The following KRTAP10-7 variants were observed in gnomAD, a reference collection of about 807,000 sequenced individuals.
KRTAP10-7 encodes keratin-associated protein 10-7.
For missense variants in KRTAP10-7, 394 were observed against 474.3 expected, an observed-to-expected ratio of 0.83 and a Z score of 1.57; for synonymous variants, 162 against 199.6, an observed-to-expected ratio of 0.81 and a Z score of 1.59.
In KRTAP10-7 at chr21:44,601,475, C is replaced by G. The variant is rs446817; in HGVS notation, c.854C>G (p.Thr285Ser). ...CCVPVCSGAS[T>S]SCCQQSSCQP... is the part of the protein sequence containing the mutation. ...GTGCCCGTCTGCTCTGGGGCTTCCA[C>G]TTCATGCTGCCAGCAGTCTAGCTGC... Residue 285 changes from threonine (T) to serine (S), a missense_variant, in exon 1 of 1, where the codon ACT becomes AGT. Thr to Ser is a moderately conservative substitution (Grantham distance 58). Coordinates refer to ENST00000609664, the MANE Select transcript of KRTAP10-7 (RefSeq NM_198689.3). 138,802 of 1,613,562 alleles carry G rather than the reference C, an allele frequency of 0.086. 11,271 individuals carry two copies. Among genetic ancestry groups the G allele is most frequent in the African/African-American group, 0.41 (30,312 of 74,680 alleles).
rs1262268939 is a variant in KRTAP10-7 at position 44,601,406 on chromosome 21, A to G, written c.785A>G (p.Gln262Arg). ...QPACCTSSQSQQGCCVPVCCK... is the reference protein window; with the variant it reads ...QPACCTSSQSRQGCCVPVCCK... ...GCTTGCTGCACCTCCTCCCAAAGCC[A>G]GCAGGGCTGCTGCGTGCCCGTCTGC... Residue 262 changes from glutamine to arginine, a missense_variant, in exon 1 of 1, where the codon CAG (glutamine) becomes CGG (arginine). Transcript: ENST00000609664. 6.2e-7 allele frequency: 1 copy of G among 1,611,146 alleles called. No homozygotes were observed. Among genetic ancestry groups the G allele is most frequent in the Non-Finnish European group, 8.5e-7 (1 of 1,178,978 alleles).
rs1555928795 is a variant in KRTAP10-7 at position 44,601,550 on chromosome 21, C to G, written c.929C>G (p.Ser310Cys). Residue 310 changes from serine (S) to cysteine (C), a missense_variant, in exon 1 of 1, where the codon TCC becomes TGC. Transcript: ENST00000609664. ...TSCCRPSSSV[S>C]LLCRPVCRPA... ...TGCTGCAGACCCTCCTCCTCCGTGTCCCTCCTCTGCCGCCCCGTGTGCAGG... is the reference window on the plus strand; with the variant it reads ...TGCTGCAGACCCTCCTCCTCCGTGTGCCTCCTCTGCCGCCCCGTGTGCAGG... The G allele has an allele frequency of 1.9e-6, 3 of 1,613,940 alleles. 1 individual carries two copies. In the South Asian group the frequency reaches 3.3e-5, roughly 18 times the overall value.
rs79571149 is a variant in KRTAP10-7, at chr21:44,601,831, C to T, written c.*97C>T. On this transcript the variant is annotated 3_prime_UTR_variant, in exon 1 of 1. Coordinates refer to ENST00000609664, the MANE Select transcript of KRTAP10-7 (RefSeq NM_198689.3). ...CGGCTCTCCACATCCCGCTCCTAAG[C>T]CCTGCAGTGGACGTCAGTGGTCAGC... 0.019 allele frequency: 28,521 copies of T among 1,491,322 alleles called. 348 individuals carry two copies. The highest frequency in any genetic ancestry group is 0.021 in the Non-Finnish European group (22,784 of 1,110,436). The allele number at this position is 1,491,322 out of a possible 1,614,324, so 92.4% of individuals were successfully genotyped here.
rs1980891706 is a variant in KRTAP10-7, at chr21:44,601,437, G to A, written c.816G>A (p.Lys272=). ...QQGCCVPVCC[K]PVCCVPVCSG... Reference sequence around the variant, plus strand: ...GCTGCTGCGTGCCCGTCTGCTGTAAGCCTGTGTGCTGTGTGCCCGTCTGCT... The same window carrying A: ...GCTGCTGCGTGCCCGTCTGCTGTAAACCTGTGTGCTGTGTGCCCGTCTGCT... The change falls in exon 1 of 1, where the codon AAG becomes AAA. Residue 272 remains lysine (K), a synonymous_variant. Coordinates refer to ENST00000609664, the MANE Select transcript of KRTAP10-7 (RefSeq NM_198689.3). 6.2e-7 allele frequency: 1 copy of A among 1,611,224 alleles called. No homozygotes were observed. The highest frequency in any genetic ancestry group is 1.3e-5 in the African/African-American group (1 of 74,368).
chr21:44,600,894 G>T lies in KRTAP10-7; in HGVS notation c.273G>T (p.Gln91His). 1 of 1,612,022 alleles carries T rather than the reference G, an allele frequency of 6.2e-7. No homozygotes were observed. Among genetic ancestry groups the T allele is most frequent in the Non-Finnish European group, 8.5e-7 (1 of 1,179,878 alleles). ...CTSSCTPSCC[Q>H]QSSCQLACCA... ...GCTCCTGCACGCCCTCGTGCTGCCA[G>T]CAGTCTAGCTGCCAGCTGGCTTGCT... is the stretch of plus-strand genomic sequence containing the variant. Residue 91 changes from glutamine (Q) to histidine (H), a missense_variant, in exon 1 of 1, where the codon CAG becomes CAT. Physicochemically the swap from Gln to His is conservative, Grantham distance 24. Transcript: ENST00000609664.
In KRTAP10-7 at chr21:44,601,688, G is replaced by A. The variant is rs782026949; in HGVS notation, c.1067G>A (p.Arg356His). The A allele has an allele frequency of 1.1e-5, 18 of 1,611,956 alleles. No individual in the cohort carries two copies. Among genetic ancestry groups the A allele is most frequent in the South Asian group, 4.4e-5 (4 of 90,840 alleles). ...VSLLCRPACSRPACCGPTSTQ... is the reference protein window; with the variant it reads ...VSLLCRPACSHPACCGPTSTQ... Reference sequence around the variant, plus strand: ...CTCCTTTGCCGCCCCGCATGCTCCCGCCCGGCCTGCTGTGGCCCCACCTCA... The same window carrying A: ...CTCCTTTGCCGCCCCGCATGCTCCCACCCGGCCTGCTGTGGCCCCACCTCA... Residue 356 changes from arginine (R) to histidine (H), a missense_variant, in exon 1 of 1, where the codon CGC (arginine) becomes CAC (histidine). Transcript: ENST00000609664.
chr21:44,601,260 C>A lies in KRTAP10-7; in HGVS notation c.639C>A (p.Ser213Arg). ...SCTPSCCQQS[S>R]CKPACCTSSP... is the part of the protein sequence containing the mutation. ...CGCCCTCGTGCTGCCAGCAGTCTAG[C>A]TGCAAGCCGGCTTGCTGCACCTCCT... The change falls in exon 1 of 1, where the codon AGC becomes AGA. Residue 213 changes from serine to arginine, a missense_variant. Transcript: ENST00000609664. 6.2e-7 allele frequency: 1 copy of A among 1,608,130 alleles called. No individual in the cohort carries two copies. The highest frequency in any genetic ancestry group is 8.5e-7 in the Non-Finnish European group (1 of 1,178,518).
chr21:44,601,895 C>G lies in KRTAP10-7; in HGVS notation c.*161C>G. Reference sequence around the variant, plus strand: ...TGCGCTTCTCCTCCTAGAAGCAGCTCAGCTGTTTCTCCAAGTCTTGACTTT... The same window carrying G: ...TGCGCTTCTCCTCCTAGAAGCAGCTGAGCTGTTTCTCCAAGTCTTGACTTT... On this transcript the variant is annotated 3_prime_UTR_variant, in exon 1 of 1. Coordinates refer to ENST00000609664, the MANE Select transcript of KRTAP10-7 (RefSeq NM_198689.3). The G allele has an allele frequency of 5.9e-6, 6 of 1,021,830 alleles. No homozygotes were observed. Among genetic ancestry groups the G allele is most frequent in the Non-Finnish European group, 7.1e-6 (5 of 709,194 alleles). 63.3% of individuals were successfully genotyped at this position (1,021,830 alleles called of 1,614,324 possible).
At position 44,601,735 on chromosome 21, in the gene KRTAP10-7, G is replaced by A; in HGVS notation, c.*1G>A. The A allele has an allele frequency of 6.2e-7, 1 of 1,609,120 alleles. No individual in the cohort carries two copies. The highest frequency in any genetic ancestry group is 8.5e-7 in the Non-Finnish European group (1 of 1,177,176). On this transcript the variant is annotated 3_prime_UTR_variant, in exon 1 of 1. Transcript: ENST00000609664. ...CTCAACCCAGAAGTCCAGCTGCTGA[G>A]TGATCTCCTTAAGATCATCCAAAGC...
At position 44,601,195 on chromosome 21, in the gene KRTAP10-7, G is replaced by A. The variant is rs1302443047; in HGVS notation, c.574G>A (p.Glu192Lys). The A allele has an allele frequency of 2.0e-5, 32 of 1,597,700 alleles. No individual in the cohort carries two copies. Among genetic ancestry groups the A allele is most frequent in the Non-Finnish European group, 2.4e-5 (28 of 1,176,776 alleles). ...VSSPCCQAVC[E>K]PSPCQSGCIS... is the part of the protein sequence containing the mutation. Reference sequence around the variant, plus strand: ...CAGTCCCTGCTGCCAGGCGGTCTGTGAGCCCAGCCCCTGCCAATCAGGCTG... The same window carrying A: ...CAGTCCCTGCTGCCAGGCGGTCTGTAAGCCCAGCCCCTGCCAATCAGGCTG... Residue 192 changes from glutamate to lysine, a missense_variant, in exon 1 of 1, where the codon GAG becomes AAG. By Grantham distance (56) the Glu-to-Lys change is moderately conservative. Coordinates refer to ENST00000609664, the MANE Select transcript of KRTAP10-7 (RefSeq NM_198689.3).
chr21:44,601,368 ATGCTGCCAGCCAGCT>A lies in KRTAP10-7; in HGVS notation c.754_768del (p.Gln252_Cys256del), dbSNP rs1980881666. The A allele has an allele frequency of 2.5e-6, 4 of 1,600,412 alleles. No individual in the cohort carries two copies. The Admixed American group carries it at 6.8e-5, about 27-fold the overall frequency. On this transcript the variant is annotated inframe_deletion, in exon 1 of 1. Transcript: ENST00000609664. ...CCACCTGCTCTGATGATTCCGGTTCATGCTGCCAGCCAGCTTGCTGCACCTCCTCCCAAAGCCAGC... is the reference window on the plus strand; with the variant it reads ...CCACCTGCTCTGATGATTCCGGTTCATGCTGCACCTCCTCCCAAAGCCAGC...
chr21:44,600,655 G>C lies in KRTAP10-7; in HGVS notation c.34G>C (p.Asp12His). The C allele has an allele frequency of 1.2e-6, 2 of 1,613,736 alleles. No individual in the cohort carries two copies. Among genetic ancestry groups the C allele is most frequent in the Non-Finnish European group, 1.7e-6 (2 of 1,179,872 alleles). Residue 12 changes from aspartate to histidine, a missense_variant, in exon 1 of 1, where the codon GAC (aspartate) becomes CAC (histidine). Coordinates refer to ENST00000609664, the MANE Select transcript of KRTAP10-7 (RefSeq NM_198689.3). The part of the protein sequence containing the change: ...AASTMSVCSS[D>H]LSYGSRVCLP... Reference sequence around the variant, plus strand: ...GTCCACTATGTCTGTCTGCTCCAGCGACCTGAGCTACGGCAGCCGCGTCTG... The same window carrying C: ...GTCCACTATGTCTGTCTGCTCCAGCCACCTGAGCTACGGCAGCCGCGTCTG...
At position 44,600,616 on chromosome 21, in the gene KRTAP10-7, C is replaced by G; in HGVS notation, c.-6C>G. 1.9e-6 allele frequency: 3 copies of G among 1,610,404 alleles called. No homozygotes were observed. Among genetic ancestry groups the G allele is most frequent in the Non-Finnish European group, 2.5e-6 (3 of 1,177,952 alleles). ...CACTCCCATCTCCTCCAGTTCAATC[C>G]CCAGCATGGCTGCGTCCACTATGTC... is the stretch of plus-strand genomic sequence containing the variant. On this transcript the variant is annotated 5_prime_UTR_variant, in exon 1 of 1. Coordinates refer to ENST00000609664, the MANE Select transcript of KRTAP10-7 (RefSeq NM_198689.3).
rs782273609 is a variant in KRTAP10-7 at position 44,601,174 on chromosome 21, C to A, written c.553C>A (p.Pro185Thr). 1.2e-5 allele frequency: 19 copies of A among 1,602,724 alleles called. No homozygotes were observed. The highest frequency in any genetic ancestry group is 1.6e-5 in the Non-Finnish European group (19 of 1,177,958). ...QSSCVSCVSS[P>T]CCQAVCEPSP... is the part of the protein sequence containing the mutation. Reference sequence around the variant, plus strand: ...TAGCTGTGTGAGCTGTGTGTCCAGTCCCTGCTGCCAGGCGGTCTGTGAGCC... The same window carrying A: ...TAGCTGTGTGAGCTGTGTGTCCAGTACCTGCTGCCAGGCGGTCTGTGAGCC... Residue 185 changes from proline to threonine, a missense_variant, in exon 1 of 1, where the codon CCC becomes ACC. Pro to Thr is a conservative substitution (Grantham distance 38, BLOSUM62 -1). Coordinates refer to ENST00000609664, the MANE Select transcript of KRTAP10-7 (RefSeq NM_198689.3).
At position 44,601,361 on chromosome 21, in the gene KRTAP10-7, C is replaced by G. The variant is rs369821998; in HGVS notation, c.740C>G (p.Ser247Cys). 2 of 1,611,646 alleles carry G rather than the reference C, an allele frequency of 1.2e-6. No homozygotes were observed. The highest frequency in any genetic ancestry group is 1.3e-5 in the African/African-American group (1 of 74,320). ...TGTGTGCCCACCTGCTCTGATGATT[C>G]CGGTTCATGCTGCCAGCCAGCTTGC... ...VCCVPTCSDD[S>C]GSCCQPACCT... The change falls in exon 1 of 1, where the codon TCC (serine) becomes TGC (cysteine). Residue 247 changes from serine (S) to cysteine (C), a missense_variant. Transcript: ENST00000609664.
Position 44,600,648 on chromosome 21 carries a change from C to T in KRTAP10-7, c.27C>T (p.Cys9=). 3 of 1,613,704 alleles carry T rather than the reference C, an allele frequency of 1.9e-6. No homozygotes were observed. Among genetic ancestry groups the T allele is most frequent in the African/African-American group, 1.3e-5 (1 of 74,978 alleles). ...TGGCTGCGTCCACTATGTCTGTCTG[C>T]TCCAGCGACCTGAGCTACGGCAGCC... The part of the protein sequence containing the change: MAASTMSV[C]SSDLSYGSRV... The change falls in exon 1 of 1, where the codon TGC becomes TGT. Residue 9 remains cysteine, a synonymous_variant. Coordinates refer to ENST00000609664, the MANE Select transcript of KRTAP10-7 (RefSeq NM_198689.3).
chr21:44,600,615 C>A lies in KRTAP10-7; in HGVS notation c.-7C>A. ...TCACTCCCATCTCCTCCAGTTCAAT[C>A]CCCAGCATGGCTGCGTCCACTATGT... On this transcript the variant is annotated 5_prime_UTR_variant, in exon 1 of 1. Coordinates refer to ENST00000609664, the MANE Select transcript of KRTAP10-7 (RefSeq NM_198689.3). 1 of 1,610,116 alleles carries A rather than the reference C, an allele frequency of 6.2e-7. No homozygotes were observed. The highest frequency in any genetic ancestry group is 8.5e-7 in the Non-Finnish European group (1 of 1,177,878).
rs1555928909 is a variant in KRTAP10-7, at chr21:44,601,738, A to T, written c.*4A>T. 6.2e-7 allele frequency: 1 copy of T among 1,608,152 alleles called. No homozygotes were observed. Among genetic ancestry groups the T allele is most frequent in the Non-Finnish European group, 8.5e-7 (1 of 1,176,728 alleles). On this transcript the variant is annotated 3_prime_UTR_variant, in exon 1 of 1. Transcript: ENST00000609664. ...AACCCAGAAGTCCAGCTGCTGAGTG[A>T]TCTCCTTAAGATCATCCAAAGCCTG...
At position 44,601,094 on chromosome 21, in the gene KRTAP10-7, C is replaced by A. The variant is rs587673256; in HGVS notation, c.473C>A (p.Pro158His). Residue 158 changes from proline to histidine, a missense_variant, in exon 1 of 1, where the codon CCC (proline) becomes CAC (histidine). Transcript: ENST00000609664. Reference sequence around the variant, plus strand: ...CCCTGCCAGCAGGCCTGCTGTGTGCCCATCTGCTGCAAGCCTGTCTGCTCT... The same window carrying A: ...CCCTGCCAGCAGGCCTGCTGTGTGCACATCTGCTGCAAGCCTGTCTGCTCT... The part of the protein sequence containing the change: ...SSPCQQACCV[P>H]ICCKPVCSGI... 3.7e-6 allele frequency: 6 copies of A among 1,609,894 alleles called. No homozygotes were observed. In the South Asian group the frequency reaches 5.5e-5, roughly 15 times the overall value.
Sources: allele counts gnomAD v4.1 joint callset, GRCh38; gene constraint gnomAD v4.1.1; transcripts MANE v1.5; gene names NCBI Gene and HGNC (gene_info 2026-07-23, HGNC 2026-07-21).